The following SLX9 variants were observed in gnomAD, a reference collection of about 807,000 sequenced individuals.
SLX9 encodes the protein SLX9 ribosome biogenesis factor, also known as ribosome biogenesis protein SLX9 homolog.
SLX9 carries 19 observed loss-of-function variants against 20.8 expected under a neutral mutation model. The observed-to-expected ratio is 0.91, with a 90% CI of 0.64 to 1.34. SLX9 has a LOEUF of 1.34. Ranked by LOEUF, SLX9 falls within the 40% of genes most tolerant of loss-of-function variation. The pLI, the probability that SLX9 is intolerant of heterozygous loss-of-function variation, is 0.00. For synonymous variants in SLX9, 113 were observed against 137.1 expected, an observed-to-expected ratio of 0.82 and a Z score of 1.23; for missense variants, 299 against 322.2, an observed-to-expected ratio of 0.93 and a Z score of 0.55.
At chr21:44,953,752 G>A (rs2084804022) in intron 2 of SLX9, among the ~76,000 whole-genome samples, 1 of 152,200 alleles carries the variant, frequency 6.6e-6, no homozygotes, top group Non-Finnish European at 1.5e-5. Flanking sequence ...CGTGACCTTG[G>A]CGCTCTGCAT....
chr21:44,943,024 C>T (rs1046517478), intron 1 of SLX9, among the ~76,000 whole-genome samples: 1 of 152,110 alleles, frequency 6.6e-6, no homozygotes, highest in Non-Finnish European at 1.5e-5. Context: ...TTTGGGGTGG[C>T]GTATTCTGAC....
At chr21:44,963,299 A>G (rs759886033) in intron 3 of SLX9, among the ~76,000 whole-genome samples, 2 of 151,670 alleles carry the variant, frequency 1.3e-5, no homozygotes, top group Non-Finnish European at 2.9e-5. Flanking sequence ...CCGTGTTAGC[A>G]GGATGGTCTC....
chr21:44,954,697 C>T (rs73378607), intron 2 of SLX9, among the ~76,000 whole-genome samples: 7,307 of 152,148 alleles, frequency 0.048, 657 homozygotes, highest in African/African-American at 0.17. Flanking sequence ...ACCCCCCAGG[C>T]GCTCTTGGCT....
intron 2 of SLX9, among the ~76,000 whole-genome samples, chr21:44,958,628 G>A (rs1257966968): frequency 1.3e-5 from 2 of 152,244 alleles, no homozygotes; most frequent in African/African-American, 2.4e-5. Context: ...CTAGAAGGGG[G>A]AGCAGGCGTG....
rs1479143665 is a variant in SLX9, at chr21:44,967,099, G to T, written c.418G>T (p.Val140Leu). Residue 140 changes from valine to leucine, a missense_variant, in exon 4 of 6, where the codon GTG becomes TTG. Val to Leu is a conservative substitution (Grantham distance 32). Coordinates refer to ENST00000291634, the MANE Select transcript of SLX9 (RefSeq NM_058190.4). ...REERRRRATV[V>L]VGDLHPLRDA... is the part of the protein sequence containing the mutation. Reference sequence around the variant, plus strand: ...GGAGCGGAGGCGGAGGGCCACGGTGGTGGTGGGGGACCTGCACCCTCTCAG... The same window carrying T: ...GGAGCGGAGGCGGAGGGCCACGGTGTTGGTGGGGGACCTGCACCCTCTCAG... 11 of 1,611,528 alleles carry T rather than the reference G, an allele frequency of 6.8e-6. No homozygotes were observed. The highest frequency in any genetic ancestry group is 2.2e-5 in the East Asian group (1 of 44,864).
intron 4 of SLX9, chr21:44,972,945 C>T (rs1183962250): frequency 7.8e-5 from 13 of 166,174 alleles, no homozygotes; most frequent in South Asian, 2.6e-4. Context: ...GCTTGGGGCC[C>T]GCGGTCACAG....
chr21:44,943,675 G>A lies in SLX9; in HGVS notation c.130-9G>A, dbSNP rs766740509. 1 of 1,612,972 alleles carries A rather than the reference G, an allele frequency of 6.2e-7. No homozygotes were observed. Among genetic ancestry groups the A allele is most frequent in the Non-Finnish European group, 8.5e-7 (1 of 1,179,126 alleles). On this transcript the variant is annotated splice_polypyrimidine_tract_variant and intron_variant, in intron 1 of 5. Coordinates refer to ENST00000291634, the MANE Select transcript of SLX9 (RefSeq NM_058190.4). ...TCTTCTTTTCGTCCGTTTTTGTTGGGGACATTAGGACTGGGCGTTCATCAA... is the reference window on the plus strand; with the variant it reads ...TCTTCTTTTCGTCCGTTTTTGTTGGAGACATTAGGACTGGGCGTTCATCAA...
At chr21:44,962,106 A>G (rs1030452364) in intron 3 of SLX9, among the ~76,000 whole-genome samples, 8 of 152,254 alleles carry the variant, frequency 5.3e-5, no homozygotes, top group Admixed American at 5.2e-4. Context: ...AATGGCAGAC[A>G]TCAGTACACT....
At chr21:44,964,306 A>G (rs112605198) in intron 3 of SLX9, among the ~76,000 whole-genome samples, 198 of 152,210 alleles carry the variant, frequency 1.3e-3, no homozygotes, top group African/African-American at 4.5e-3. Context: ...TTAGAAATGC[A>G]TGTTTTCTGT....
intron 4 of SLX9, 180 bp from the exon 5 acceptor site, chr21:44,973,017 G>T: frequency 1.4e-6 from 1 of 708,782 alleles, no homozygotes; most frequent in Non-Finnish European, 2.4e-6. Flanking sequence ...CAGTTGCACT[G>T]CTTGTCCAGG....
chr21:44,966,859 A>G (rs1026855144), intron 3 of SLX9, among the ~76,000 whole-genome samples, 175 bp from the exon 4 acceptor site: 1 of 152,176 alleles, frequency 6.6e-6, no homozygotes, highest in African/African-American at 2.4e-5. Context: ...AGGGGAAGAA[A>G]ATAACTCAAG....
intron 3 of SLX9, among the ~76,000 whole-genome samples, chr21:44,960,580 T>C (rs1353657414): frequency 6.6e-6 from 1 of 152,246 alleles, no homozygotes; most frequent in African/African-American, 2.4e-5. Context: ...GTTTTTATGG[T>C]TCAGAAGTGC....
At chr21:44,973,843 G>A (rs1308491242) in intron 5 of SLX9, among the ~76,000 whole-genome samples, 1 of 152,186 alleles carries the variant, frequency 6.6e-6, no homozygotes, top group East Asian at 1.9e-4. Flanking sequence ...GCTTTTCAGT[G>A]CAGTCAGGTC....
At chr21:44,955,447 T>TA (rs978104525) in intron 2 of SLX9, among the ~76,000 whole-genome samples, 2 of 152,200 alleles carry the variant, frequency 1.3e-5, no homozygotes, top group Admixed American at 1.3e-4. Flanking sequence ...ACATGATAGA[T>TA]ACCATGAAAA....
chr21:44,941,556 G>T (rs753348140), intron 1 of SLX9, among the ~76,000 whole-genome samples: 1 of 152,036 alleles, frequency 6.6e-6, no homozygotes, highest in South Asian at 2.1e-4. Context: ...CTTGGCCAGG[G>T]GGTTTTTGCC....
chr21:44,966,685 C>A (rs1601412708), intron 3 of SLX9, among the ~76,000 whole-genome samples: 3 of 152,156 alleles, frequency 2.0e-5, no homozygotes, highest in Admixed American at 2.0e-4. Context: ...GTTGAGGGCC[C>A]CTTTTCCTCA....
chr21:44,953,206 C>T (rs1243977552), intron 2 of SLX9, among the ~76,000 whole-genome samples: 1 of 152,254 alleles, frequency 6.6e-6, no homozygotes, highest in Admixed American at 6.5e-5. Flanking sequence ...CCCCCGGCTA[C>T]AGGGCTATCC....
At chr21:44,954,775 C>T (rs921841032) in intron 2 of SLX9, among the ~76,000 whole-genome samples, 9 of 152,200 alleles carry the variant, frequency 5.9e-5, no homozygotes, top group African/African-American at 1.4e-4. Flanking sequence ...GGGTGTCTGC[C>T]GATGCGGACC....
At chr21:44,947,682 C>T (rs1009071445) in intron 2 of SLX9, among the ~76,000 whole-genome samples, 1 of 152,142 alleles carries the variant, frequency 6.6e-6, no homozygotes, top group African/African-American at 2.4e-5. Context: ...TGTTCCCTTC[C>T]TGTGCCCTGG....
Sources: gnomAD v4.1 joint callset for allele counts (sites outside exome capture counted in the v4.1 genomes callset) on GRCh38, gnomAD v4.1.1 for gene constraint, MANE v1.5 for transcripts, NCBI Gene and HGNC (gene_info 2026-07-23, HGNC 2026-07-21) for gene names.